Variants in PPP1CB observed in about 807,000 individuals in gnomAD.
The protein encoded by PPP1CB is serine/threonine-protein phosphatase PP1-beta catalytic subunit.
PPP1CB carries 2 observed loss-of-function variants against 43.7 expected under a neutral mutation model. The observed-to-expected ratio is 0.05, with a 90% confidence interval of 0.02 to 0.14. PPP1CB has a LOEUF of 0.14. PPP1CB is among the 10% of genes least tolerant of loss of function. The pLI, the probability that PPP1CB is intolerant of heterozygous loss-of-function variation, is 1.00. For missense variants in PPP1CB, 84 were observed against 398.0 expected (o/e 0.21, Z 6.71); for synonymous variants, 136 against 135.6 (o/e 1.00, Z -0.02).
intron 6 of PPP1CB, among the ~76,000 whole-genome samples, chr2:28,792,288 C>T (rs140025597): frequency 3.0e-4 from 45 of 151,638 alleles, no homozygotes; most frequent in African/African-American, 1.1e-3. Context: ...TGCCGTGAGC[C>T]GAGATCGCGC....
intron 1 of PPP1CB, among the ~76,000 whole-genome samples, chr2:28,773,942 T>C (rs941690336): frequency 6.6e-6 from 1 of 152,208 alleles, no homozygotes; most frequent in Non-Finnish European, 1.5e-5. Context: ...TGTAAGAAGC[T>C]TTTAATTGCA....
At chr2:28,784,884 C>T (rs1572463102) in intron 5 of PPP1CB, among the ~76,000 whole-genome samples, 1 of 138,434 alleles carries the variant, frequency 7.2e-6, no homozygotes, top group South Asian at 2.4e-4. Context: ...CACACCACTG[C>T]ACTCCAGCCT....
Position 28,752,096 on chromosome 2 carries a change from T to C in PPP1CB, c.-29T>C. The C allele has an allele frequency of 6.5e-7, 1 of 1,549,152 alleles. No homozygotes were observed. ...GCCGCCGAGAAGCCCTTGTTCCCGC[T>C]GCTGGGAAGGAGAGTCTGTGCCGAC... On this transcript the variant is annotated 5_prime_UTR_variant, in exon 1 of 8. Coordinates refer to ENST00000395366, the MANE Select transcript of PPP1CB (RefSeq NM_002709.3).
intron 1 of PPP1CB, among the ~76,000 whole-genome samples, chr2:28,767,387 G>A (rs1666802541): frequency 6.6e-6 from 1 of 151,938 alleles, no homozygotes; most frequent in South Asian, 2.1e-4. Flanking sequence ...GCTACATAAT[G>A]ACTACAATGC....
chr2:28,758,025 G>A (rs1410882536), intron 1 of PPP1CB, among the ~76,000 whole-genome samples: 1 of 146,084 alleles, frequency 6.8e-6, no homozygotes, highest in African/African-American at 2.5e-5. Context: ...CCAATGCCAT[G>A]CATTTTTAAT....
At chr2:28,777,634 A>G (rs755178807) in intron 2 of PPP1CB, among the ~76,000 whole-genome samples, 4 of 152,030 alleles carry the variant, frequency 2.6e-5, no homozygotes, top group African/African-American at 7.2e-5. Flanking sequence ...CGCTAAGTAA[A>G]TGTTTGTTTT....
intron 1 of PPP1CB, among the ~76,000 whole-genome samples, chr2:28,773,414 A>G (rs1666956560): frequency 6.6e-6 from 1 of 152,214 alleles, no homozygotes. Flanking sequence ...AAACCTGGGC[A>G]CTGTGATCTT....
chr2:28,770,373 TA>T (rs34776114), intron 1 of PPP1CB, among the ~76,000 whole-genome samples: 19 of 26,488 alleles, frequency 7.2e-4, no homozygotes, highest in African/African-American at 1.9e-3. Flanking sequence ...AATGAGGAAG[TA>T]AAAAAAAGGG....
chr2:28,767,392 C>T (rs1350479582), intron 1 of PPP1CB, among the ~76,000 whole-genome samples: 3 of 152,088 alleles, frequency 2.0e-5, no homozygotes, highest in Non-Finnish European at 4.4e-5. Flanking sequence ...ATAATGACTA[C>T]AATGCCTTAG....
intron 1 of PPP1CB, among the ~76,000 whole-genome samples, chr2:28,763,038 G>A (rs1003146877): frequency 2.6e-5 from 4 of 152,158 alleles, no homozygotes; most frequent in Admixed American, 6.5e-5. Context: ...GAATATCTAA[G>A]TCTGAATAAC....
chr2:28,773,567 T>C (rs915689468), intron 1 of PPP1CB, among the ~76,000 whole-genome samples: 4 of 152,242 alleles, frequency 2.6e-5, no homozygotes, highest in Non-Finnish European at 5.9e-5. Flanking sequence ...ATAATATTTT[T>C]ATAATCCAGC....
At chr2:28,767,823 G>A (rs1666815132) in intron 1 of PPP1CB, among the ~76,000 whole-genome samples, 1 of 152,140 alleles carries the variant, frequency 6.6e-6, no homozygotes, top group Non-Finnish European at 1.5e-5. Context: ...TAGGCCCCTA[G>A]CCATGCAAAC....
At chr2:28,764,615 T>C (rs1268815336) in intron 1 of PPP1CB, among the ~76,000 whole-genome samples, 2 of 152,136 alleles carry the variant, frequency 1.3e-5, no homozygotes, top group Non-Finnish European at 2.9e-5. Flanking sequence ...TTAATTAGTA[T>C]GTAATCTTGG....
At chr2:28,783,581 C>T (rs1667200195) in intron 4 of PPP1CB, among the ~76,000 whole-genome samples, 1 of 152,014 alleles carries the variant, frequency 6.6e-6, no homozygotes, top group African/African-American at 2.4e-5. Flanking sequence ...CATGGTGAAA[C>T]CCCGTCTCTA....
intron 2 of PPP1CB, chr2:28,778,251 T>G: frequency 2.5e-6 from 1 of 400,762 alleles, no homozygotes; most frequent in Non-Finnish European, 5.2e-6. Flanking sequence ...TACCAGATAA[T>G]AAAATTGTTT....
chr2:28,781,868 A>G (rs546577879), intron 4 of PPP1CB, 26 bp downstream of exon 4: 1 of 1,477,026 alleles, frequency 6.8e-7, no homozygotes, highest in Non-Finnish European at 9.4e-7. Context: ...TGCCTTACAG[A>G]TTTTTTTTTT....
chr2:28,766,820 G>A (rs1041681098), intron 1 of PPP1CB, among the ~76,000 whole-genome samples: 15 of 152,148 alleles, frequency 9.9e-5, no homozygotes, highest in Middle Eastern at 3.2e-3. Context: ...GGTGGCTCAC[G>A]CCTGTAATCC....
At chr2:28,795,238 G>T (rs1291268356) in intron 7 of PPP1CB, among the ~76,000 whole-genome samples, 2 of 152,182 alleles carry the variant, frequency 1.3e-5, no homozygotes, top group Non-Finnish European at 2.9e-5. Flanking sequence ...TCTTTATCCA[G>T]TTCACTGTTG....
chr2:28,785,394 A>G (rs1401759295), intron 5 of PPP1CB, among the ~76,000 whole-genome samples: 4 of 152,030 alleles, frequency 2.6e-5, no homozygotes, highest in Non-Finnish European at 5.9e-5. Context: ...GCTTTTTTAC[A>G]TAACACGACT....
Sources: allele counts gnomAD v4.1 joint callset (sites outside exome capture counted in the v4.1 genomes callset), GRCh38; gene constraint gnomAD v4.1.1; transcripts MANE v1.5; gene names NCBI Gene and HGNC (gene_info 2026-07-23, HGNC 2026-07-21).